MYCBPAP: variants seen among roughly 807,000 people sequenced by gnomAD.
MYCBPAP encodes MYCBP associated protein, also known as MYCBP-associated protein.
A neutral mutation model predicts 106.1 loss-of-function variants in MYCBPAP; 60 were observed. That is an observed-to-expected ratio of 0.57 (90% CI 0.46 to 0.70). The LOEUF (loss-of-function observed/expected upper bound fraction) is 0.70, where lower values mean the gene tolerates loss of function less well. MYCBPAP is among the 30% of genes least tolerant of loss of function. The pLI, the probability that MYCBPAP is intolerant of heterozygous loss-of-function variation, is 0.00. For missense variants in MYCBPAP, 1,064 were observed against 1,169.3 expected, an observed-to-expected ratio of 0.91 and a Z score of 1.31; for synonymous variants, 407 against 440.6, an observed-to-expected ratio of 0.92 and a Z score of 0.95.
chr17:50,519,812 C>G, intron 7 of MYCBPAP, 25 bp downstream of exon 7: 1 of 1,607,578 alleles, frequency 6.2e-7, no homozygotes, highest in Non-Finnish European at 8.5e-7. Context: ...TGTAAGCCAG[C>G]TAGCATCTTG....
intron 1 of MYCBPAP, chr17:50,509,534 T>TTATGTG (rs1555617801): frequency 1.7e-5 from 2 of 117,932 alleles, no homozygotes; most frequent in South Asian, 2.8e-4. Context: ...AGCTTTTTTT[T>TTATGTG]TCTGTGTGTG....
At chr17:50,530,088 C>A in intron 18 of MYCBPAP, 1 of 358,782 alleles carries the variant, frequency 2.8e-6, no homozygotes, top group Non-Finnish European at 5.6e-6. Flanking sequence ...CCATTTGCCA[C>A]TGGTGACATC....
intron 1 of MYCBPAP, chr17:50,509,202 G>A (rs928742051): frequency 2.9e-6 from 2 of 700,378 alleles, no homozygotes; most frequent in African/African-American, 1.7e-5. Flanking sequence ...GAGGAGGGTC[G>A]GGGAGCGGGG....
In MYCBPAP at chr17:50,526,200, A is replaced by G. The variant is rs1567895136; in HGVS notation, c.2102A>G (p.Lys701Arg). The G allele has an allele frequency of 6.2e-7, 1 of 1,613,454 alleles. No individual in the cohort carries two copies. The highest frequency in any genetic ancestry group is 8.5e-7 in the Non-Finnish European group (1 of 1,179,994). The stretch of plus-strand genomic sequence containing the variant: ...GAAAGCCCAGATGTGGACAGCACCA[A>G]GAGCCCCTGGGAGCCGGATGGCCTT... ...VEESPDVDST[K>R]SPWEPDGLPL... is the part of the protein sequence containing the mutation. The change falls in exon 14 of 19, where the codon AAG (lysine) becomes AGG (arginine). Residue 701 changes from lysine to arginine, a missense_variant. Lys to Arg is a conservative substitution (Grantham distance 26). Transcript: ENST00000323776.
Position 50,529,163 on chromosome 17 carries a change from A to G in MYCBPAP, c.2699A>G (p.Lys900Arg). 6.2e-7 allele frequency: 1 copy of G among 1,613,256 alleles called. No individual in the cohort carries two copies. Among genetic ancestry groups the G allele is most frequent in the South Asian group, 1.1e-5 (1 of 91,052 alleles). Residue 900 changes from lysine (K) to arginine (R), a missense_variant, in exon 18 of 19, where the codon AAA (lysine) becomes AGA (arginine). Transcript: ENST00000323776. Reference protein sequence around the residue: ...QEPIDPLVMGKYTQSLHSEVR... With the variant: ...QEPIDPLVMGRYTQSLHSEVR... Reference sequence around the variant, plus strand: ...CCCATAGACCCCCTGGTCATGGGGAAATACACCCAGAGCCTGCACAGTGAG... The same window carrying G: ...CCCATAGACCCCCTGGTCATGGGGAGATACACCCAGAGCCTGCACAGTGAG...
intron 3 of MYCBPAP, 45 bp downstream of exon 3, chr17:50,517,497 G>C: frequency 1.9e-6 from 3 of 1,614,018 alleles, no homozygotes; most frequent in Middle Eastern, 1.6e-4. Context: ...TCAACTCATG[G>C]GTCAGCCTCA....
Position 50,524,933 on chromosome 17 carries a change from G to T in MYCBPAP, c.1692G>T (p.Leu564=). The change falls in exon 13 of 19, where the codon CTG becomes CTT. Residue 564 remains leucine, a synonymous_variant. Coordinates refer to ENST00000323776, the MANE Select transcript of MYCBPAP (RefSeq NM_032133.6). ...VTVVREVLQE[L]LMGVLTPERT... ...TCGTTCGCGAAGTGCTGCAGGAGCT[G>T]CTGATGGGGGTCTTGACCCCGGAGC... is the stretch of plus-strand genomic sequence containing the variant. 2 of 1,614,064 alleles carry T rather than the reference G, an allele frequency of 1.2e-6. No homozygotes were observed. The highest frequency in any genetic ancestry group is 1.7e-6 in the Non-Finnish European group (2 of 1,180,024).
chr17:50,529,706 G>C, intron 18 of MYCBPAP: 2 of 454,744 alleles, frequency 4.4e-6, no homozygotes, highest in Non-Finnish European at 8.8e-6. Flanking sequence ...GCCCTTTGGA[G>C]AACAGACTCT....
intron 1 of MYCBPAP, chr17:50,510,473 ATGTGTGTGTG>A (rs1180380321): frequency 1.0e-5 from 1 of 96,254 alleles, no homozygotes; most frequent in Admixed American, 1.2e-4. Context: ...ATGTGTATAT[ATGTGTGTGTG>A]TGTGTGTGTG....
In MYCBPAP at chr17:50,516,602, A is replaced by G. The variant is rs2034060233; in HGVS notation, c.109A>G (p.Thr37Ala). 1 of 1,614,192 alleles carries G rather than the reference A, an allele frequency of 6.2e-7. No homozygotes were observed. Among genetic ancestry groups the G allele is most frequent in the South Asian group, 1.1e-5 (1 of 91,080 alleles). Residue 37 changes from threonine to alanine, a missense_variant, in exon 2 of 19, where the codon ACA becomes GCA. Coordinates refer to ENST00000323776, the MANE Select transcript of MYCBPAP (RefSeq NM_032133.6). ...KKRAKGPEQP[T>A]PTIQEEPEPV... is the part of the protein sequence containing the mutation. The stretch of plus-strand genomic sequence containing the variant: ...GCGGGCAAAGGGACCTGAACAACCC[A>G]CACCCACAATTCAGGAAGAGCCTGA...
At chr17:50,525,183 G>C (rs909903841) in intron 13 of MYCBPAP, 160 bp downstream of exon 13, 2 of 798,098 alleles carry the variant, frequency 2.5e-6, no homozygotes, top group Non-Finnish European at 2.0e-6. Context: ...TCTCATAGGA[G>C]CACGAATCCC....
intron 1 of MYCBPAP, among the ~76,000 whole-genome samples, chr17:50,511,975 A>G (rs565565885): frequency 2.0e-5 from 3 of 151,930 alleles, no homozygotes; most frequent in East Asian, 3.9e-4. Flanking sequence ...TGCCTGAGCC[A>G]TGCTTTACAA....
chr17:50,511,529 A>G (rs1390128728), intron 1 of MYCBPAP, among the ~76,000 whole-genome samples: 1 of 152,210 alleles, frequency 6.6e-6, no homozygotes. Context: ...GAAGAAATAG[A>G]GTCCGGGTTT....
At position 50,529,377 on chromosome 17, in the gene MYCBPAP, G is replaced by A. The variant is rs116731147; in HGVS notation, c.2724+189G>A. On this transcript the variant is annotated intron_variant, in intron 18 of 18. Transcript: ENST00000323776. ...TAGCATGTTAGGTGATGAGTACGACGGGAGAGAAGATAGACCAGGCAGGGA... is the reference window on the plus strand; with the variant it reads ...TAGCATGTTAGGTGATGAGTACGACAGGAGAGAAGATAGACCAGGCAGGGA... The A allele has an allele frequency of 1.4e-3, 786 of 573,320 alleles. 5 individuals are homozygous for A. Among genetic ancestry groups the A allele is most frequent in the African/African-American group, 0.012 (660 of 53,338 alleles). 35.5% of individuals were successfully genotyped at this position (573,320 alleles called of 1,614,324 possible). A position where few individuals can be genotyped will look rare whatever the true frequency, so the allele number is the denominator to read the frequency against.
At position 50,508,521 on chromosome 17, in the gene MYCBPAP, C is replaced by G. The variant is rs757601590; in HGVS notation, c.-154C>G. 7.2e-6 allele frequency: 11 copies of G among 1,533,260 alleles called. No homozygotes were observed. The South Asian group carries it at 7.3e-5, about 10-fold the overall frequency. 95.0% of individuals were successfully genotyped at this position (1,533,260 alleles called of 1,614,324 possible). A position where few individuals can be genotyped will look rare whatever the true frequency, so the allele number is the denominator to read the frequency against. On this transcript the variant is annotated 5_prime_UTR_variant, in exon 1 of 19. Transcript: ENST00000323776. ...CCGATGAAGAAGGAGGTTTCCAAGCCGTCTCCGCCCAAGTTGATCGGTGGA... is the reference window on the plus strand; with the variant it reads ...CCGATGAAGAAGGAGGTTTCCAAGCGGTCTCCGCCCAAGTTGATCGGTGGA...
chr17:50,522,760 C>T, intron 10 of MYCBPAP, 179 bp from the exon 11 acceptor site: 1 of 364,826 alleles, frequency 2.7e-6, no homozygotes, highest in Non-Finnish European at 4.8e-6. Context: ...TTGAGGGTAA[C>T]CTCAGAGACA....
intron 6 of MYCBPAP, chr17:50,519,357 C>T: frequency 1.7e-6 from 1 of 583,464 alleles, no homozygotes; most frequent in Non-Finnish European, 3.0e-6. Flanking sequence ...CTGAGTGGAG[C>T]CTACACCCTA....
rs2034524466 is a variant in MYCBPAP, at chr17:50,528,280, T to G, written c.2407+10T>G. On this transcript the variant is annotated intron_variant, in intron 16 of 18. Transcript: ENST00000323776. The stretch of plus-strand genomic sequence containing the variant: ...GTGCCTGAAGAGCAAGGTCAGATCT[T>G]GTGCAACCAACCACACCTCTGCATA... 1 of 1,604,736 alleles carries G rather than the reference T, an allele frequency of 6.2e-7. No homozygotes were observed. The highest frequency in any genetic ancestry group is 8.5e-7 in the Non-Finnish European group (1 of 1,172,890).
rs200342927 is a variant in MYCBPAP, at chr17:50,517,691, A to G, written c.461A>G (p.Asn154Ser). ...AAGAGAATTGCACTTGCTCGAGGGAACACCCAGGTTTGTTTGCACAGAACT... is the reference window on the plus strand; with the variant it reads ...AAGAGAATTGCACTTGCTCGAGGGAGCACCCAGGTTTGTTTGCACAGAACT... ...DFKRIALARGNTQLAERIPTS... is the reference protein window; with the variant it reads ...DFKRIALARGSTQLAERIPTS... Residue 154 changes from asparagine to serine, a missense_variant, in exon 4 of 19, where the codon AAC becomes AGC. Transcript: ENST00000323776. 225 of 1,614,026 alleles carry G rather than the reference A, an allele frequency of 1.4e-4. 1 individual carries two copies. The highest frequency in any genetic ancestry group is 1.2e-3 in the South Asian group (106 of 91,076).
Sources: gnomAD v4.1 joint callset for allele counts (sites outside exome capture counted in the v4.1 genomes callset) on GRCh38, gnomAD v4.1.1 for gene constraint, MANE v1.5 for transcripts, NCBI Gene and HGNC (gene_info 2026-07-23, HGNC 2026-07-21) for gene names.